DSCAM: variants seen among roughly 807,000 people sequenced by gnomAD.
DSCAM encodes the protein cell adhesion molecule DSCAM.
DSCAM carries 47 observed loss-of-function variants against 217.7 expected under a neutral mutation model. That is an observed-to-expected ratio of 0.22 (90% CI 0.17 to 0.28). The LOEUF is 0.28. DSCAM is among the 10% of genes least tolerant of loss of function. The pLI is 1.00. For missense variants in DSCAM, 2,080 were observed against 2,618.3 expected (o/e 0.79, Z 4.49); for synonymous variants, 1,056 against 1,015.3 (o/e 1.04, Z -0.76).
chr21:40,416,435 G>A lies in DSCAM; in HGVS notation c.509-47190C>T, dbSNP rs571395894. Among the ~76,000 whole-genome samples the A allele has an allele frequency of 2.1e-3, 317 of 152,292 alleles. 1 individual carries two copies. Among genetic ancestry groups the A allele is most frequent in the African/African-American group, 7.3e-3 (302 of 41,556 alleles). ...GCCTGGTAAGTTTTTGGTGCTTAAT[G>A]GATGCTTGTTGAAGTTATCTAATAA... On this transcript the variant is annotated intron_variant, in intron 3 of 32. Transcript: ENST00000400454.
At chr21:40,831,294 G>T (rs73903027) in intron 1 of DSCAM, among the ~76,000 whole-genome samples, 1 of 118,260 alleles carries the variant, frequency 8.5e-6, no homozygotes, top group Admixed American at 9.0e-5. Context: ...TCACCATAGC[G>T]TGGCACAGGT....
chr21:40,310,761 A>G (rs1375855228), intron 9 of DSCAM, among the ~76,000 whole-genome samples: 2 of 152,210 alleles, frequency 1.3e-5, no homozygotes, highest in African/African-American at 4.8e-5. Flanking sequence ...TGCTTATAAG[A>G]AAACGCTTGG....
At chr21:40,634,663 T>G (rs1481748703) in intron 3 of DSCAM, among the ~76,000 whole-genome samples, 2 of 152,198 alleles carry the variant, frequency 1.3e-5, no homozygotes, top group African/African-American at 4.8e-5. Flanking sequence ...AAAAGAAATA[T>G]TTGGGACATC....
chr21:40,155,263 C>A (rs1202522522), intron 16 of DSCAM, among the ~76,000 whole-genome samples: 1 of 152,190 alleles, frequency 6.6e-6, no homozygotes, highest in African/African-American at 2.4e-5. Flanking sequence ...ACTCTGAGGG[C>A]TGGCCTCTGG....
chr21:40,229,391 T>C (rs746284894), intron 11 of DSCAM, among the ~76,000 whole-genome samples: 1 of 152,232 alleles, frequency 6.6e-6, no homozygotes, highest in Non-Finnish European at 1.5e-5. Flanking sequence ...TTAAGATTCA[T>C]TCTTTTTGCT....
At chr21:40,619,076 T>C (rs745874618) in intron 3 of DSCAM, among the ~76,000 whole-genome samples, 18 of 151,638 alleles carry the variant, frequency 1.2e-4, no homozygotes, top group Admixed American at 6.6e-4. Context: ...TAAGCAATTT[T>C]AAAAAAAACA....
chr21:40,400,936 T>C (rs1179557229), intron 3 of DSCAM, among the ~76,000 whole-genome samples: 3 of 152,244 alleles, frequency 2.0e-5, no homozygotes, highest in Non-Finnish European at 4.4e-5. Flanking sequence ...GTTAATATAA[T>C]CACTGATCTC....
At chr21:40,454,682 G>A (rs1601656611) in intron 3 of DSCAM, among the ~76,000 whole-genome samples, 1 of 152,322 alleles carries the variant, frequency 6.6e-6, no homozygotes, top group South Asian at 2.1e-4. Flanking sequence ...AAATGAAAAT[G>A]TAGAAGTCGC....
chr21:40,215,667 T>C (rs1258595019), intron 11 of DSCAM, among the ~76,000 whole-genome samples: 2 of 151,440 alleles, frequency 1.3e-5, no homozygotes, highest in African/African-American at 4.9e-5. Flanking sequence ...GGGAGGGAGG[T>C]GAGGAATGAA....
chr21:40,655,556 C>T (rs2090065585), intron 3 of DSCAM, among the ~76,000 whole-genome samples: 1 of 151,856 alleles, frequency 6.6e-6, no homozygotes, highest in Admixed American at 6.6e-5. Flanking sequence ...CATCCTACCA[C>T]CTCAGCCTCC....
chr21:40,822,839 C>T (rs2091939896), intron 1 of DSCAM, among the ~76,000 whole-genome samples: 1 of 152,086 alleles, frequency 6.6e-6, no homozygotes, highest in African/African-American at 2.4e-5. Flanking sequence ...AGAATTTACA[C>T]ATAAACTTCT....
chr21:40,584,457 G>A (rs1020464883), intron 3 of DSCAM, among the ~76,000 whole-genome samples: 1 of 152,202 alleles, frequency 6.6e-6, no homozygotes, highest in South Asian at 2.1e-4. Context: ...GGGCAGTGAG[G>A]TGCTAGAAAA....
chr21:40,352,328 G>T (rs1217963973), intron 5 of DSCAM, among the ~76,000 whole-genome samples: 1 of 152,196 alleles, frequency 6.6e-6, no homozygotes, highest in Non-Finnish European at 1.5e-5. Flanking sequence ...GCTGTCCAAT[G>T]CTGCATTATT....
At position 40,291,227 on chromosome 21, in the gene DSCAM, C is replaced by A. The variant is rs540633569; in HGVS notation, c.2182+4828G>T. Among the ~76,000 whole-genome samples the A allele has an allele frequency of 3.3e-5, 5 of 152,368 alleles. No homozygotes were observed. The East Asian group carries it at 9.6e-4, about 29-fold the overall frequency. On this transcript the variant is annotated intron_variant, in intron 10 of 32. Coordinates refer to ENST00000400454, the MANE Select transcript of DSCAM (RefSeq NM_001389.5). The stretch of plus-strand genomic sequence containing the variant: ...CACCCTGGTTCCGGCCACATCCCGG[C>A]CAAGGCCTTAGAACAGCTCTCCGGC...
At chr21:40,290,996 T>C (rs982804493) in intron 10 of DSCAM, among the ~76,000 whole-genome samples, 8 of 152,196 alleles carry the variant, frequency 5.3e-5, no homozygotes, top group African/African-American at 1.9e-4. Flanking sequence ...ATTGCTTATA[T>C]TGGAAATTGA....
chr21:40,118,710 C>T (rs1318511381), intron 20 of DSCAM, among the ~76,000 whole-genome samples: 3 of 152,214 alleles, frequency 2.0e-5, no homozygotes, highest in African/African-American at 2.4e-5. Context: ...AAATTCTTCT[C>T]TTCCTGCAAG....
rs1046244239 is a variant in DSCAM, at chr21:40,144,859, C to T, written c.3019-128G>A. 12 of 1,355,588 alleles carry T rather than the reference C, an allele frequency of 8.9e-6. No individual in the cohort carries two copies. The East Asian group carries it at 1.7e-4, about 20-fold the overall frequency. 84.0% of individuals were successfully genotyped at this position (1,355,588 alleles called of 1,614,324 possible). ...TCGCCACGATGCTGGGGCGGTGGTCCGGTAGCAGCCGCAAACCCACGTACA... is the reference window on the plus strand; with the variant it reads ...TCGCCACGATGCTGGGGCGGTGGTCTGGTAGCAGCCGCAAACCCACGTACA... On this transcript the variant is annotated intron_variant, in intron 16 of 32. Transcript: ENST00000400454. This position sits in a 1 kb window ranked among gnomAD's most constrained non-coding sequence, Gnocchi z 4.8.
intron 3 of DSCAM, among the ~76,000 whole-genome samples, chr21:40,469,333 G>A (rs1357873723): frequency 6.6e-6 from 1 of 152,156 alleles, no homozygotes; most frequent in Non-Finnish European, 1.5e-5. Context: ...AAAAAGACAT[G>A]GGAAAGCACA....
intron 3 of DSCAM, among the ~76,000 whole-genome samples, chr21:40,392,658 G>A (rs759588298): frequency 1.3e-5 from 2 of 152,258 alleles, no homozygotes; most frequent in Admixed American, 6.5e-5. Context: ...AAGCCACCAC[G>A]TACAGAACGG....
Sources: gnomAD v4.1 joint callset for allele counts (sites outside exome capture counted in the v4.1 genomes callset) on GRCh38, gnomAD v4.1.1 for gene constraint, Gnocchi (gnomAD v3.1) non-coding constraint, MANE v1.5 for transcripts, NCBI Gene and HGNC (gene_info 2026-07-23, HGNC 2026-07-21) for gene names.